The following CPA4 variants were observed in gnomAD, a reference collection of about 807,000 sequenced individuals.
CPA4 encodes the protein carboxypeptidase A4.
A neutral mutation model predicts 54.7 loss-of-function variants in CPA4; 49 were observed. The ratio of observed to expected loss-of-function variants is 0.90; its 90% CI spans 0.71 to 1.14. The LOEUF (loss-of-function observed/expected upper bound fraction) is 1.14, where lower values mean the gene tolerates loss of function less well. Among genes scored for constraint, CPA4 ranks in the 50% most tolerant of loss-of-function variants. The probability of loss-of-function intolerance (pLI) is 0.00; values close to 1 mark genes in which losing one functional copy is unlikely to be tolerated. For synonymous variants in CPA4, 215 were observed against 206.8 expected, an observed-to-expected ratio of 1.04 and a Z score of -0.34; for missense variants, 487 against 525.1, an observed-to-expected ratio of 0.93 and a Z score of 0.71.
At chr7:130,298,244 C>A (rs535270073) in intron 1 of CPA4, among the ~76,000 whole-genome samples, 9 of 152,352 alleles carry the variant, frequency 5.9e-5, no homozygotes, top group Admixed American at 2.6e-4. Context: ...GGGTTTCAGT[C>A]CTCAGCCCTG....
At chr7:130,303,063 C>T (rs1793763615) in intron 4 of CPA4, among the ~76,000 whole-genome samples, 1 of 152,214 alleles carries the variant, frequency 6.6e-6, no homozygotes, top group Non-Finnish European at 1.5e-5. Context: ...TTTCTTGCTT[C>T]TGTTCGGTCT....
intron 8 of CPA4, among the ~76,000 whole-genome samples, chr7:130,308,874 G>A (rs1265143119): frequency 8.4e-6 from 1 of 119,498 alleles, no homozygotes; most frequent in African/African-American, 4.5e-5. Context: ...TTGAGACAGA[G>A]TCTTGCTCCA....
chr7:130,311,106 G>T (rs1793906610), intron 9 of CPA4, 120 bp downstream of exon 9: 1 of 756,350 alleles, frequency 1.3e-6, no homozygotes, highest in Non-Finnish European at 2.3e-6. Context: ...TTCATTGAAG[G>T]TCCAATCTTC....
chr7:130,317,108 T>C (rs1051108089), intron 10 of CPA4, among the ~76,000 whole-genome samples: 7 of 152,148 alleles, frequency 4.6e-5, no homozygotes, highest in Non-Finnish European at 2.9e-5. Flanking sequence ...AAGGGATCTT[T>C]ATCTGGGCTC....
chr7:130,322,716 C>T lies in CPA4; in HGVS notation c.*40C>T, dbSNP rs138112014. ...CTGTCTACATTTATTTGTACCCACA[C>T]GTGCACGCACTGAGGCCATTGTTAA... On this transcript the variant is annotated 3_prime_UTR_variant, in exon 11 of 11. Coordinates refer to ENST00000222482, the MANE Select transcript of CPA4 (RefSeq NM_016352.4). The T allele has an allele frequency of 2.7e-5, 43 of 1,568,736 alleles. No individual in the cohort carries two copies. Among genetic ancestry groups the T allele is most frequent in the Middle Eastern group, 2.1e-4 (1 of 4,818 alleles).
At chr7:130,294,418 C>G (rs1793618450) in intron 1 of CPA4, among the ~76,000 whole-genome samples, 1 of 152,128 alleles carries the variant, frequency 6.6e-6, no homozygotes, top group Non-Finnish European at 1.5e-5. Context: ...TCTCTGTTGC[C>G]AAATAGCTCA....
chr7:130,319,942 C>T (rs1032011128), intron 10 of CPA4, among the ~76,000 whole-genome samples: 1 of 152,154 alleles, frequency 6.6e-6, no homozygotes, highest in Non-Finnish European at 1.5e-5. Flanking sequence ...GACAGTCCCT[C>T]CCTGTGTTTG....
chr7:130,306,726 G>C lies in CPA4; in HGVS notation c.592-61G>C, dbSNP rs529289474. 6.2e-6 allele frequency: 6 copies of C among 964,152 alleles called. No homozygotes were observed. The South Asian group carries it at 7.8e-5, about 13-fold the overall frequency. The allele number at this position is 964,152 out of a possible 1,614,324, so 59.7% of individuals were successfully genotyped here. On this transcript the variant is annotated intron_variant, in intron 6 of 10. Transcript: ENST00000222482. ...GCTGGGCATCTTGAGAAGATACATG[G>C]TTCAGCCCTAATGGCCCATCCTGCC... is the stretch of plus-strand genomic sequence containing the variant.
intron 5 of CPA4, 39 bp downstream of exon 5, chr7:130,304,618 C>T (rs1199318968): frequency 3.3e-6 from 4 of 1,210,516 alleles, no homozygotes; most frequent in Non-Finnish European, 4.9e-6. Context: ...CCTGGGTCCT[C>T]ATGCCCAGGA....
chr7:130,318,311 T>C (rs1172347482), intron 10 of CPA4, among the ~76,000 whole-genome samples: 2 of 152,162 alleles, frequency 1.3e-5, no homozygotes, highest in Non-Finnish European at 2.9e-5. Flanking sequence ...TCCTCCACAG[T>C]ATAAACTGCC....
intron 6 of CPA4, 93 bp downstream of exon 6, chr7:130,306,013 G>T: frequency 9.7e-7 from 1 of 1,026,314 alleles, no homozygotes; most frequent in Non-Finnish European, 1.5e-6. Flanking sequence ...GAGGTGGGAG[G>T]GTTCTCTACT....
chr7:130,315,116 A>G (rs1003839117), intron 10 of CPA4, among the ~76,000 whole-genome samples: 4 of 150,914 alleles, frequency 2.7e-5, no homozygotes, highest in African/African-American at 9.7e-5. Context: ...GAGGGGGGGA[A>G]TTGGGGGTAG....
At chr7:130,306,697 G>A in intron 6 of CPA4, 90 bp from the exon 7 acceptor site, 1 of 765,312 alleles carries the variant, frequency 1.3e-6, no homozygotes, top group Non-Finnish European at 2.3e-6. Context: ...CATTCTAGCT[G>A]GTTGCTGGGC....
rs1389509570 is a variant in CPA4, at chr7:130,310,965, G to C, written c.972G>C (p.Lys324Asn). The C allele has an allele frequency of 2.5e-6, 4 of 1,613,848 alleles. No individual in the cohort carries two copies. In the South Asian group the frequency reaches 3.3e-5, roughly 13 times the overall value. Residue 324 changes from lysine (K) to asparagine (N), a missense_variant, in exon 9 of 11, where the codon AAG (lysine) becomes AAC (asparagine). Transcript: ENST00000222482. The surrounding 1 kb of genome is among the most constrained non-coding windows in gnomAD (Gnocchi z 4.3). Reference protein sequence around the residue: ...LMYPYGYSVKKAPDAEELDKV... With the variant: ...LMYPYGYSVKNAPDAEELDKV... ...ATCCATATGGGTACTCAGTCAAAAA[G>C]GCCCCAGATGCCGAGGAACTCGTGA...
chr7:130,302,043 G>C (rs1448618680), intron 4 of CPA4, among the ~76,000 whole-genome samples: 2 of 152,190 alleles, frequency 1.3e-5, no homozygotes, highest in African/African-American at 2.4e-5. Flanking sequence ...CTGTCTCACT[G>C]GCTTACCACT....
intron 5 of CPA4, 48 bp downstream of exon 5, chr7:130,304,627 G>A (rs1278242620): frequency 1.8e-6 from 2 of 1,140,600 alleles, no homozygotes; most frequent in Non-Finnish European, 2.7e-6. Flanking sequence ...TCATGCCCAG[G>A]ACCCAGCCTC....
In CPA4 at chr7:130,293,901, G is replaced by A. The variant is rs181041794; in HGVS notation, c.68+653G>A. ...CGTGTGTGTGTGCGCGTGTGTGTGT[G>A]CACACACACACGTGCTCAACACGCT... On this transcript the variant is annotated intron_variant, in intron 1 of 10. Coordinates refer to ENST00000222482, the MANE Select transcript of CPA4 (RefSeq NM_016352.4). Among the ~76,000 whole-genome samples, 852 of 152,088 alleles carry A rather than the reference G, an allele frequency of 5.6e-3. 12 individuals carry two copies. The highest frequency in any genetic ancestry group is 0.02 in the African/African-American group (810 of 41,478).
chr7:130,319,816 T>G (rs1794058582), intron 10 of CPA4, among the ~76,000 whole-genome samples: 1 of 152,232 alleles, frequency 6.6e-6, no homozygotes, highest in Admixed American at 6.5e-5. Context: ...TCTCATCTCT[T>G]CTGGTGGTTT....
intron 10 of CPA4, among the ~76,000 whole-genome samples, chr7:130,319,325 G>A (rs369426807): frequency 1.3e-5 from 2 of 152,204 alleles, no homozygotes; most frequent in African/African-American, 4.8e-5. Context: ...TCACGCTCAT[G>A]TGTGACATAT....
Sources: gnomAD v4.1 joint callset for allele counts (sites outside exome capture counted in the v4.1 genomes callset) on GRCh38, gnomAD v4.1.1 for gene constraint, Gnocchi (gnomAD v3.1) non-coding constraint, MANE v1.5 for transcripts, NCBI Gene and HGNC (gene_info 2026-07-23, HGNC 2026-07-21) for gene names.